Variants in ZACN observed in about 807,000 individuals in gnomAD.
The protein encoded by ZACN is zinc activated ion channel, also known as ligand-gated cation channel ZACN.
ZACN carries 52 observed loss-of-function variants against 38.9 expected under a neutral mutation model. The observed-to-expected ratio is 1.34, with a 90% confidence interval of 1.07 to 1.68. ZACN has a LOEUF of 1.68. Among genes scored for constraint, ZACN ranks in the 40% most tolerant of loss-of-function variants. The probability of loss-of-function intolerance (pLI) is 0.00; values close to 1 mark genes in which losing one functional copy is unlikely to be tolerated. For synonymous variants in ZACN, 235 were observed against 227.4 expected (o/e 1.03, Z -0.30); for missense variants, 559 against 525.6 (o/e 1.06, Z -0.62).
At chr17:76,080,630 C>T (rs2066937272) in intron 5 of ZACN, 1 of 735,110 alleles carries the variant, frequency 1.4e-6, no homozygotes, top group African/African-American at 1.7e-5. Flanking sequence ...GCCCCCCACT[C>T]GAGTGGCAGC....
rs1467266753 is a variant in ZACN, at chr17:76,080,288, G to T, written c.408G>T (p.Gln136His). ...LWVDWRDQSP[Q>H]ARVDQDGHVK... ...TGGACTGGAGGGACCAGAGCCCCCA[G>T]GCTCGAGTAGACCAGGACGGCCACG... is the stretch of plus-strand genomic sequence containing the variant. The change falls in exon 5 of 9, where the codon CAG becomes CAT. Residue 136 changes from glutamine to histidine, a missense_variant. Coordinates refer to ENST00000334586, the MANE Select transcript of ZACN (RefSeq NM_180990.4). 1.9e-5 allele frequency: 31 copies of T among 1,613,838 alleles called. No homozygotes were observed. Among genetic ancestry groups the T allele is most frequent in the Non-Finnish European group, 2.5e-5 (29 of 1,180,010 alleles).
rs550251960 is a variant in ZACN at position 76,079,721 on chromosome 17, T to C, written c.242T>C (p.Met81Thr). 3.7e-6 allele frequency: 6 copies of C among 1,613,610 alleles called. No homozygotes were observed. The highest frequency in any genetic ancestry group is 1.7e-5 in the Admixed American group (1 of 59,984). Residue 81 changes from methionine (M) to threonine (T), a missense_variant, in exon 3 of 9, where the codon ATG becomes ACG. By Grantham distance (81) the Met-to-Thr change is moderately conservative. Transcript: ENST00000334586. ...CCCCAGGACATCCTGCGATACACAA[T>C]GTCCTCCATGCTGCTGCTTAGGCTG... ...VFNVDILRYTMSSMLLLRLSW... is the reference protein window; with the variant it reads ...VFNVDILRYTTSSMLLLRLSW...
chr17:76,079,667 G>GGTGT, intron 2 of ZACN, 35 bp from the exon 3 acceptor site: 1 of 1,611,566 alleles, frequency 6.2e-7, no homozygotes, highest in Non-Finnish European at 8.5e-7. Flanking sequence ...TCAACACAGC[G>GGTGT]CTCACCCTGA....
At position 76,082,503 on chromosome 17, in the gene ZACN, T is replaced by C; in HGVS notation, c.1089T>C (p.Pro363=). The C allele has an allele frequency of 6.2e-7, 1 of 1,613,664 alleles. No homozygotes were observed. Among genetic ancestry groups the C allele is most frequent in the Non-Finnish European group, 8.5e-7 (1 of 1,179,840 alleles). ...RGVKGSQRSW[P]ETADRIFFLV... is the part of the protein sequence containing the mutation. ...TAAAGGGGTCACAGAGAAGCTGGCCTGAGACTGCTGACCGCATCTTCTTCC... is the reference window on the plus strand; with the variant it reads ...TAAAGGGGTCACAGAGAAGCTGGCCCGAGACTGCTGACCGCATCTTCTTCC... The change falls in exon 9 of 9, where the codon CCT becomes CCC. Residue 363 remains proline, a synonymous_variant. Coordinates refer to ENST00000334586, the MANE Select transcript of ZACN (RefSeq NM_180990.4).
At chr17:76,079,671 A>G (rs1242525503) in intron 2 of ZACN, 31 bp from the exon 3 acceptor site, 20 of 1,611,736 alleles carry the variant, frequency 1.2e-5, no homozygotes, top group Non-Finnish European at 1.7e-5. Flanking sequence ...CACAGCGCTC[A>G]CCCTGAGGTG....
In ZACN at chr17:76,081,913, C is replaced by T; in HGVS notation, c.912C>T (p.Leu304=). 1.9e-6 allele frequency: 3 copies of T among 1,611,378 alleles called. No individual in the cohort carries two copies. Among genetic ancestry groups the T allele is most frequent in the South Asian group, 2.2e-5 (2 of 90,982 alleles). ...IYYFTILLLL[L]FLSTIETVLL... ...ACTTCACCATCCTGCTGCTGCTGCTCTTCCTCAGCACCATAGAGACTGTGC... is the reference window on the plus strand; with the variant it reads ...ACTTCACCATCCTGCTGCTGCTGCTTTTCCTCAGCACCATAGAGACTGTGC... Residue 304 remains leucine (L), a synonymous_variant, in exon 8 of 9, where the codon CTC becomes CTT. Coordinates refer to ENST00000334586, the MANE Select transcript of ZACN (RefSeq NM_180990.4).
In ZACN at chr17:76,079,351, G is replaced by C; in HGVS notation, c.87G>C (p.Gly29=). The change falls in exon 1 of 9, where the codon GGG becomes GGC. Residue 29 remains glycine, a synonymous_variant. Transcript: ENST00000334586. Reference sequence around the variant, plus strand: ...TGGTCCACGGGCAGGGCTTCCAAGGGACAGCAGCCAGTAGGTGGAGGGCAA... The same window carrying C: ...TGGTCCACGGGCAGGGCTTCCAAGGCACAGCAGCCAGTAGGTGGAGGGCAA... ...LLLVHGQGFQ[G]TAAIWPSLFN... 1.2e-6 allele frequency: 2 copies of C among 1,614,116 alleles called. No homozygotes were observed. The highest frequency in any genetic ancestry group is 1.7e-6 in the Non-Finnish European group (2 of 1,179,982).
Position 76,081,353 on chromosome 17 carries a change from T to C in ZACN, c.620T>C (p.Leu207Pro). ...AAGAGGGAATACGTAGTTTATGATC[T>C]GAAGACCCAAGTCCCACCCCAGCAG... Reference protein sequence around the residue: ...SVKREYVVYDLKTQVPPQQLV... With the variant: ...SVKREYVVYDPKTQVPPQQLV... The change falls in exon 6 of 9, where the codon CTG (leucine) becomes CCG (proline). Residue 207 changes from leucine to proline, a missense_variant. Leu to Pro is a moderately conservative substitution (Grantham distance 98). Transcript: ENST00000334586. 1 of 1,614,172 alleles carries C rather than the reference T, an allele frequency of 6.2e-7. No homozygotes were observed. Among genetic ancestry groups the C allele is most frequent in the Non-Finnish European group, 8.5e-7 (1 of 1,180,028 alleles).
rs140797843 is a variant in ZACN at position 76,082,032 on chromosome 17, G to A, written c.1031G>A (p.Gly344Glu). 0.013 allele frequency: 21,619 copies of A among 1,609,626 alleles called. 181 individuals carry two copies. The highest frequency in any genetic ancestry group is 0.016 in the Non-Finnish European group (18,805 of 1,178,638). ...GAACAGCGAGAGCACGGCAACCCAG[G>A]GCCTCATCCTGCTGAAGGTGGGCAG... Reference protein sequence around the residue: ...RGEQREHGNPGPHPAEEPSRG... With the variant: ...RGEQREHGNPEPHPAEEPSRG... The change falls in exon 8 of 9, where the codon GGG (glycine) becomes GAG (glutamate). Residue 344 changes from glycine to glutamate, a missense_variant. Transcript: ENST00000334586.
rs2066913559 is a variant in ZACN, at chr17:76,079,183, A to T, written c.-82A>T. On this transcript the variant is annotated 5_prime_UTR_variant, in exon 1 of 9. Transcript: ENST00000334586. ...TGCCCAGAGCAGCTGCCTCTGGCTA[A>T]TTGCTCAGCTGCCAGAGAAGTGACT... 4 of 1,393,440 alleles carry T rather than the reference A, an allele frequency of 2.9e-6. No homozygotes were observed. In the Admixed American group the frequency reaches 7.2e-5, roughly 25 times the overall value. 86.3% of individuals were successfully genotyped at this position (1,393,440 alleles called of 1,614,324 possible).
At chr17:76,081,787 G>A (rs1385716530) in intron 7 of ZACN, 32 bp downstream of exon 7, 3 of 1,613,570 alleles carry the variant, frequency 1.9e-6, no homozygotes, top group South Asian at 2.2e-5. Flanking sequence ...AGTCTGCCCT[G>A]TTTCTCCCCG....
intron 5 of ZACN, chr17:76,080,715 A>G (rs1183666732): frequency 7.2e-6 from 4 of 557,042 alleles, no homozygotes; most frequent in South Asian, 4.7e-5. Flanking sequence ...GCAGCTCTGC[A>G]ATCCCAGAGG....
chr17:76,081,544 G>A lies in ZACN; in HGVS notation c.670-1G>A. On this transcript the variant is annotated splice_acceptor_variant, in intron 6 of 8. Coordinates refer to ENST00000334586, the MANE Select transcript of ZACN (RefSeq NM_180990.4). LOFTEE classifies it high-confidence loss of function. ...GAAGGCCCTGACTTTTCCCCTTCCA[G>A]CTGAGGCTGAAGAACACGGCGCTCA... 2 of 1,613,210 alleles carry A rather than the reference G, an allele frequency of 1.2e-6. No individual in the cohort carries two copies. The highest frequency in any genetic ancestry group is 4.5e-5 in the East Asian group (2 of 44,878).
intron 8 of ZACN, 67 bp downstream of exon 8, chr17:76,082,116 G>C (rs1598285144): frequency 6.6e-7 from 1 of 1,516,142 alleles, no homozygotes; most frequent in East Asian, 2.4e-5. Context: ...TGAGGGCACG[G>C]AGGTCCAGGT....
At chr17:76,080,612 C>A (rs149981522) in intron 5 of ZACN, 188 bp downstream of exon 5, 1 of 803,984 alleles carries the variant, frequency 1.2e-6, no homozygotes, top group East Asian at 2.7e-5. Flanking sequence ...CACCTGCTCT[C>A]CCACTGCGCC....
At chr17:76,081,160 T>C (rs372011610) in intron 5 of ZACN, 118 bp from the exon 6 acceptor site, 1 of 1,435,848 alleles carries the variant, frequency 7.0e-7, no homozygotes, top group African/African-American at 1.4e-5. Context: ...TGTCCAAGTC[T>C]GTCCCTGCCA....
rs201147676 is a variant in ZACN, at chr17:76,079,459, G to A, written c.118G>A (p.Val40Ile). The A allele has an allele frequency of 2.5e-5, 41 of 1,614,042 alleles. No individual in the cohort carries two copies. Among genetic ancestry groups the A allele is most frequent in the African/African-American group, 6.7e-5 (5 of 74,914 alleles). The change falls in exon 2 of 9, where the codon GTC becomes ATC. Residue 40 changes from valine to isoleucine, a missense_variant. Coordinates refer to ENST00000334586, the MANE Select transcript of ZACN (RefSeq NM_180990.4). ...TAAIWPSLFN[V>I]NLSKKVQESI... is the part of the protein sequence containing the mutation. ...CTCAGTCTGGCCATCCCTCTTCAAC[G>A]TCAACTTGTCCAAGAAGGTTCAGGA...
In ZACN at chr17:76,081,961, G is replaced by T; in HGVS notation, c.960G>T (p.Arg320=). 1 of 1,612,874 alleles carries T rather than the reference G, an allele frequency of 6.2e-7. No homozygotes were observed. The highest frequency in any genetic ancestry group is 1.7e-5 in the Admixed American group (1 of 59,914). ...TGCTGCTGGCTGGGCTGCTGGCCCG[G>T]GGCAACCTTGGGGCCAAGAGCGGCC... ...ETVLLAGLLA[R]GNLGAKSGPS... is the part of the protein sequence containing the mutation. Residue 320 remains arginine, a synonymous_variant, in exon 8 of 9, where the codon CGG becomes CGT. Transcript: ENST00000334586.
At chr17:76,080,176 G>A in intron 4 of ZACN, 79 bp from the exon 5 acceptor site, 1 of 1,511,868 alleles carries the variant, frequency 6.6e-7, no homozygotes, top group Non-Finnish European at 8.9e-7. Flanking sequence ...AGCTGGGGTT[G>A]GGGTTGGGAT....
Sources: allele counts gnomAD v4.1 joint callset, GRCh38; gene constraint gnomAD v4.1.1; transcripts MANE v1.5; gene names NCBI Gene and HGNC (gene_info 2026-07-23, HGNC 2026-07-21).